The following RP1 variants were observed in gnomAD, a reference collection of about 807,000 sequenced individuals.
RP1 encodes RP1 axonemal microtubule associated, also known as oxygen-regulated protein 1.
RP1 carries 16 observed loss-of-function variants against 14.8 expected under a neutral mutation model. The ratio of observed to expected loss-of-function variants is 1.08; its 90% confidence interval spans 0.73 to 1.65. The LOEUF (loss-of-function observed/expected upper bound fraction) is 1.65, where lower values mean the gene tolerates loss of function less well. RP1 is among the 40% of genes most tolerant of loss of function. RP1 has a pLI of 0.00. For missense variants in RP1, 2,631 were observed against 2,535.0 expected (o/e 1.04, Z -0.81); for synonymous variants, 876 against 883.6 (o/e 0.99, Z 0.15).
intron 15 of RP1, among the ~76,000 whole-genome samples, chr8:54,717,532 T>C (rs1808432712): frequency 6.6e-6 from 1 of 152,182 alleles, no homozygotes; most frequent in Non-Finnish European, 1.5e-5. Context: ...TATTAATGGC[T>C]GATTGAATAT....
chr8:54,611,883 C>T (rs1411465829), upstream of RP1, among the ~76,000 whole-genome samples: 1 of 143,810 alleles, frequency 7.0e-6, no homozygotes, highest in Admixed American at 7.1e-5. Flanking sequence ...CTCCCTCCCT[C>T]TCTCCCTTCC....
upstream of RP1, chr8:54,616,084 TC>T (rs1211513523): frequency 6.6e-6 from 1 of 152,224 alleles, no homozygotes; most frequent in East Asian, 1.9e-4. Flanking sequence ...TGAGAATAAA[TC>T]CAAAGACATT....
intron 17 of RP1, among the ~76,000 whole-genome samples, chr8:54,733,414 TC>T (rs1176015569): frequency 1.3e-5 from 2 of 152,306 alleles, no homozygotes; most frequent in Non-Finnish European, 2.9e-5. Flanking sequence ...CAGAGATTAC[TC>T]AGCACATTCT....
intron 1 of RP1, among the ~76,000 whole-genome samples, chr8:54,566,308 G>A (rs1164018969): frequency 2.0e-5 from 3 of 151,864 alleles, no homozygotes; most frequent in Non-Finnish European, 2.9e-5. Flanking sequence ...GATAAGAGAG[G>A]GAGACGGGAA....
intron 25 of RP1, among the ~76,000 whole-genome samples, chr8:54,839,326 A>T (rs1811738300): frequency 6.6e-6 from 1 of 152,256 alleles, no homozygotes; most frequent in African/African-American, 2.4e-5. Context: ...CCATCCCATC[A>T]TCTTTAATAC....
At chr8:54,740,062 TA>T (rs1394059901) in intron 19 of RP1, among the ~76,000 whole-genome samples, 12 of 149,058 alleles carry the variant, frequency 8.1e-5, no homozygotes, top group African/African-American at 1.7e-4. Context: ...TTAATATATA[TA>T]AAAATATATT....
chr8:54,583,930 G>A (rs1427322113), intron 1 of RP1, among the ~76,000 whole-genome samples: 1 of 151,916 alleles, frequency 6.6e-6, no homozygotes, highest in Non-Finnish European at 1.5e-5. Context: ...TATCAATTTT[G>A]TTGATCTTTT....
exon 15 of RP1, chr8:54,706,451 C>T (rs1019085058): frequency 7.2e-6 from 11 of 1,535,748 alleles, no homozygotes; most frequent in Non-Finnish European, 7.0e-6. Context: ...AGGGGGTGTT[C>T]CTCAACAGTG....
chr8:54,743,515 A>G (rs1342559002), intron 19 of RP1, among the ~76,000 whole-genome samples: 1 of 152,178 alleles, frequency 6.6e-6, no homozygotes, highest in African/African-American at 2.4e-5. Context: ...TCATTTATTT[A>G]TTCATACCAG....
At chr8:54,805,367 C>T (rs1015142348) in intron 24 of RP1, among the ~76,000 whole-genome samples, 2 of 152,026 alleles carry the variant, frequency 1.3e-5, no homozygotes, top group African/African-American at 4.8e-5. Context: ...CATTCTTCAC[C>T]AAGTTTGAAT....
At chr8:54,759,912 C>T (rs1239659289) in intron 22 of RP1, among the ~76,000 whole-genome samples, 2 of 152,072 alleles carry the variant, frequency 1.3e-5, no homozygotes, top group African/African-American at 4.8e-5. Flanking sequence ...TCGAGGGCTG[C>T]CCTGTATCCT....
intron 7 of RP1, among the ~76,000 whole-genome samples, chr8:54,668,376 T>G (rs11783148): frequency 0.33 from 50,088 of 151,862 alleles, 9,120 homozygotes; most frequent in Middle Eastern, 0.48. Context: ...AAATAAAAGA[T>G]GACACAAACA....
chr8:54,694,553 T>G (rs940355489), intron 12 of RP1, among the ~76,000 whole-genome samples: 2 of 152,156 alleles, frequency 1.3e-5, no homozygotes, highest in African/African-American at 4.8e-5. Flanking sequence ...CTTGGGAGGG[T>G]ATATGTGTTG....
At chr8:54,663,961 G>A (rs1407182828) in intron 7 of RP1, 1 of 1,049,126 alleles carries the variant, frequency 9.5e-7, no homozygotes, top group Non-Finnish European at 1.3e-6. Flanking sequence ...GTTTAGTAAT[G>A]TTAAGTATAT....
At chr8:54,856,197 A>C (rs1812194578) in intron 26 of RP1, among the ~76,000 whole-genome samples, 1 of 152,216 alleles carries the variant, frequency 6.6e-6, no homozygotes, top group South Asian at 2.1e-4. Flanking sequence ...AGGTGGAGCA[A>C]GAATGCACTG....
At chr8:54,655,701 C>T (rs1231804402) in intron 5 of RP1, among the ~76,000 whole-genome samples, 1 of 152,060 alleles carries the variant, frequency 6.6e-6, no homozygotes, top group African/African-American at 2.4e-5. Context: ...TTGACATAAA[C>T]ATTTCAAAAT....
intron 19 of RP1, among the ~76,000 whole-genome samples, chr8:54,746,366 T>G (rs2129362004): frequency 6.6e-6 from 1 of 152,312 alleles, no homozygotes; most frequent in Admixed American, 6.5e-5. Flanking sequence ...AGTCTTAAAC[T>G]TTTATTCCTT....
rs1379836458 is a variant in RP1 at position 54,817,689 on chromosome 8, T to G, written c.3616-19761T>G. 4.6e-5 allele frequency among the ~76,000 whole-genome samples: 7 copies of G among 152,340 alleles called. No homozygotes were observed. The East Asian group carries it at 5.8e-4, about 13-fold the overall frequency. The stretch of plus-strand genomic sequence containing the variant: ...ACAATATAGGTGAGGAATAAACAAT[T>G]TCCTCACTTATGTAGGGAGACTTTC... On this transcript the variant is annotated intron_variant, in intron 24 of 28. Transcript: ENST00000637698.
At chr8:54,693,099 G>A (rs535435818) in intron 12 of RP1, among the ~76,000 whole-genome samples, 1 of 152,158 alleles carries the variant, frequency 6.6e-6, no homozygotes, top group South Asian at 2.1e-4. Flanking sequence ...GCTTGTTTTT[G>A]TCAGGTTTGT....
Sources: allele counts gnomAD v4.1 joint callset (sites outside exome capture counted in the v4.1 genomes callset), GRCh38; gene constraint gnomAD v4.1.1; transcripts MANE v1.5; gene names NCBI Gene and HGNC (gene_info 2026-07-23, HGNC 2026-07-21).